Variants in GABRG1 observed in about 807,000 individuals in gnomAD.
GABRG1 encodes the protein gamma-aminobutyric acid type A receptor subunit gamma1, also known as gamma-aminobutyric acid receptor subunit gamma-1.
In GABRG1, 49 loss-of-function variants were observed where a neutral mutation model predicts 49.8. The ratio of observed to expected loss-of-function variants is 0.98; its 90% confidence interval spans 0.78 to 1.25. The LOEUF is 1.25. Among genes scored for constraint, GABRG1 ranks in the 50% most tolerant of loss-of-function variants. The pLI is 0.00. For missense variants in GABRG1, 552 were observed against 552.3 expected (o/e 1.00, Z 0.01); for synonymous variants, 232 against 185.1 (o/e 1.25, Z -2.06).
chr4:46,117,174 T>G (rs1720922963), intron 1 of GABRG1, among the ~76,000 whole-genome samples: 2 of 150,540 alleles, frequency 1.3e-5, no homozygotes, highest in African/African-American at 4.8e-5. Context: ...TTAAACTCAC[T>G]ATTTTATAAT....
At chr4:46,069,811 T>C (rs952007566) in intron 3 of GABRG1, among the ~76,000 whole-genome samples, 4 of 152,094 alleles carry the variant, frequency 2.6e-5, no homozygotes, top group East Asian at 1.9e-4. Flanking sequence ...CATCATAAAA[T>C]TGGAAATTAA....
intron 1 of GABRG1, among the ~76,000 whole-genome samples, chr4:46,117,562 C>G (rs1338387812): frequency 7.1e-6 from 1 of 141,288 alleles, no homozygotes; most frequent in Admixed American, 7.0e-5. Context: ...CTCTCTCTCT[C>G]TCTCTCTCTC....
At chr4:46,092,242 C>T (rs6824361) in intron 2 of GABRG1, among the ~76,000 whole-genome samples, 75,938 of 151,672 alleles carry the variant, frequency 0.5, 19,327 homozygotes, top group African/African-American at 0.53. Context: ...AAGTTAATTG[C>T]TTTTAAACAC....
intron 1 of GABRG1, 81 bp from the exon 2 acceptor site, chr4:46,097,430 T>C (rs991896783): frequency 4.4e-6 from 6 of 1,355,314 alleles, no homozygotes; most frequent in Non-Finnish European, 6.0e-6. Context: ...TATGTTACAA[T>C]TGAGTAAGAA....
At chr4:46,077,820 T>C (rs922019056) in intron 3 of GABRG1, among the ~76,000 whole-genome samples, 1 of 151,694 alleles carries the variant, frequency 6.6e-6, no homozygotes, top group African/African-American at 2.4e-5. Flanking sequence ...TATATACATA[T>C]AAAATGTGTA....
chr4:46,097,179 C>G, intron 2 of GABRG1, 22 bp downstream of exon 2: 1 of 1,585,286 alleles, frequency 6.3e-7, no homozygotes, highest in East Asian at 2.3e-5. Context: ...ATCAAAATCC[C>G]AGAATGGTAA....
intron 7 of GABRG1, among the ~76,000 whole-genome samples, chr4:46,053,872 T>A (rs544487830): frequency 6.6e-6 from 1 of 152,124 alleles, no homozygotes; most frequent in South Asian, 2.1e-4. Flanking sequence ...TATTTCTGAG[T>A]CCGTGATAAT....
intron 1 of GABRG1, among the ~76,000 whole-genome samples, chr4:46,108,914 C>T (rs1720639221): frequency 6.6e-6 from 1 of 150,968 alleles, no homozygotes; most frequent in South Asian, 2.1e-4. Flanking sequence ...TTTAATTCTG[C>T]CCTTGCATTG....
intron 1 of GABRG1, among the ~76,000 whole-genome samples, chr4:46,102,026 A>T (rs1231628358): frequency 6.6e-6 from 1 of 151,714 alleles, no homozygotes; most frequent in Non-Finnish European, 1.5e-5. Flanking sequence ...AATGTAAATA[A>T]ATGAAAAGGA....
At chr4:46,117,018 G>A (rs1461614746) in intron 1 of GABRG1, among the ~76,000 whole-genome samples, 2 of 150,298 alleles carry the variant, frequency 1.3e-5, no homozygotes, top group Non-Finnish European at 3.0e-5. Flanking sequence ...CTGTACTTAA[G>A]CATACTGTAC....
At chr4:46,041,686 G>T (rs540911150) in intron 8 of GABRG1, among the ~76,000 whole-genome samples, 2 of 151,956 alleles carry the variant, frequency 1.3e-5, no homozygotes, top group African/African-American at 4.8e-5. Flanking sequence ...AATGCAAAAG[G>T]TTTGTGAAGA....
At chr4:46,085,619 A>T (rs1719727465) in intron 2 of GABRG1, among the ~76,000 whole-genome samples, 1 of 151,570 alleles carries the variant, frequency 6.6e-6, no homozygotes, top group South Asian at 2.1e-4. Context: ...CAGGAAGTAG[A>T]CTAAAATATT....
chr4:46,064,050 A>G (rs951793482), intron 5 of GABRG1, among the ~76,000 whole-genome samples: 1 of 152,130 alleles, frequency 6.6e-6, no homozygotes, highest in Admixed American at 6.6e-5. Flanking sequence ...TTTGAAACAC[A>G]TTTCAAAATC....
intron 8 of GABRG1, among the ~76,000 whole-genome samples, chr4:46,048,370 A>AGAAGGAAG (rs143416418): frequency 0.031 from 3,768 of 121,320 alleles, 109 homozygotes; most frequent in East Asian, 0.11. Flanking sequence ...AATGGAATAG[A>AGAAGGAAG]GAAGGAAGGA....
At chr4:46,086,709 G>T (rs1201167608) in intron 2 of GABRG1, among the ~76,000 whole-genome samples, 1 of 151,230 alleles carries the variant, frequency 6.6e-6, no homozygotes, top group Admixed American at 6.6e-5. Context: ...ATTTCACCAA[G>T]TATATTATTG....
At chr4:46,063,205 T>C (rs1341164579) in intron 5 of GABRG1, among the ~76,000 whole-genome samples, 6 of 152,076 alleles carry the variant, frequency 3.9e-5, no homozygotes, top group South Asian at 2.1e-4. Flanking sequence ...AAGCCCGCAT[T>C]GCCAAGTCAA....
intron 8 of GABRG1, among the ~76,000 whole-genome samples, chr4:46,044,081 G>A (rs10433721): frequency 6.6e-6 from 1 of 151,970 alleles, no homozygotes; most frequent in East Asian, 1.9e-4. Context: ...TATTGCATGA[G>A]AAAATGCCAA....
intron 2 of GABRG1, among the ~76,000 whole-genome samples, chr4:46,096,761 C>A (rs1560369175): frequency 6.6e-6 from 1 of 151,664 alleles, no homozygotes; most frequent in East Asian, 2.0e-4. Flanking sequence ...GATTACCTTT[C>A]CAGATATCAG....
chr4:46,041,518 A>T (rs1205701167), intron 8 of GABRG1, among the ~76,000 whole-genome samples: 2 of 152,078 alleles, frequency 1.3e-5, no homozygotes, highest in South Asian at 4.1e-4. Context: ...ACTCACCAAA[A>T]TATCATTTAC....
Sources: gnomAD v4.1 joint callset for allele counts (sites outside exome capture counted in the v4.1 genomes callset) on GRCh38, gnomAD v4.1.1 for gene constraint, MANE v1.5 for transcripts, NCBI Gene and HGNC (gene_info 2026-07-23, HGNC 2026-07-21) for gene names.